FNDC3A: variants seen among roughly 807,000 people sequenced by gnomAD.
The protein encoded by FNDC3A is fibronectin type-III domain-containing protein 3A.
Under a neutral mutation model 148.9 loss-of-function variants are expected in FNDC3A, and 32 were observed. The observed-to-expected ratio is 0.21, with a 90% CI of 0.16 to 0.29. The LOEUF is 0.29. FNDC3A is among the 10% of genes least tolerant of loss of function. The probability of loss-of-function intolerance (pLI) is 1.00; values close to 1 mark genes in which losing one functional copy is unlikely to be tolerated. For synonymous variants in FNDC3A, 472 were observed against 473.6 expected (o/e 1.00, Z 0.04); for missense variants, 1,191 against 1,452.8 (o/e 0.82, Z 2.93).
chr13:49,045,175 A>G (rs1389358579), intron 2 of FNDC3A, among the ~76,000 whole-genome samples: 2 of 129,558 alleles, frequency 1.5e-5, no homozygotes, highest in Non-Finnish European at 3.1e-5. Flanking sequence ...TTCTTTTTTA[A>G]TGGAATCTCA....
intron 2 of FNDC3A, among the ~76,000 whole-genome samples, chr13:49,048,123 G>A (rs1270506841): frequency 6.6e-6 from 1 of 151,882 alleles, no homozygotes; most frequent in Non-Finnish European, 1.5e-5. Flanking sequence ...TTTATTTCTG[G>A]GTTTTCTATT....
intron 3 of FNDC3A, among the ~76,000 whole-genome samples, chr13:49,098,711 TA>T (rs1161968206): frequency 6.6e-6 from 1 of 152,154 alleles, no homozygotes; most frequent in African/African-American, 2.4e-5. Flanking sequence ...CTGATACATC[TA>T]ATTGTGCTGC....
intron 2 of FNDC3A, among the ~76,000 whole-genome samples, chr13:49,015,832 A>G (rs1422945674): frequency 1.3e-4 from 19 of 151,738 alleles, no homozygotes; most frequent in Non-Finnish European, 1.5e-5. Context: ...AATTTTGTCA[A>G]AGGCCTTTTC....
chr13:49,168,593 T>A lies in FNDC3A; in HGVS notation c.1038-20T>A. The A allele has an allele frequency of 6.3e-7, 1 of 1,587,562 alleles. No individual in the cohort carries two copies. The highest frequency in any genetic ancestry group is 8.6e-7 in the Non-Finnish European group (1 of 1,159,126). On this transcript the variant is annotated intron_variant, in intron 9 of 25. Coordinates refer to ENST00000492622, the MANE Select transcript of FNDC3A (RefSeq NM_001079673.2). ...ATACAGTGATTATGAAAGGTAAAAC[T>A]ATTTATTTTATCACCATAGAGTCCA...
intron 14 of FNDC3A, among the ~76,000 whole-genome samples, chr13:49,181,183 T>C (rs549754586): frequency 2.0e-5 from 3 of 152,288 alleles, no homozygotes; most frequent in Non-Finnish European, 4.4e-5. Flanking sequence ...AAGGAGACAG[T>C]AGGCTGTTGC....
At chr13:49,092,216 G>A (rs1456506349) in intron 3 of FNDC3A, among the ~76,000 whole-genome samples, 1 of 152,206 alleles carries the variant, frequency 6.6e-6, no homozygotes, top group African/African-American at 2.4e-5. Context: ...GCTTTCTCCT[G>A]TTCTGGAGCC....
chr13:49,193,363 C>T (rs181469107), intron 19 of FNDC3A, among the ~76,000 whole-genome samples: 87 of 152,204 alleles, frequency 5.7e-4, no homozygotes, highest in East Asian at 1.9e-4. Context: ...CAGGCTTAAG[C>T]GATCCTCCTG....
rs1886240927 is a variant in FNDC3A at position 49,198,066 on chromosome 13, C to G, written c.2575C>G (p.Leu859Val). The change falls in exon 22 of 26, where the codon CTT becomes GTT. Residue 859 changes from leucine to valine, a missense_variant. Leu to Val is a conservative substitution (Grantham distance 32). This residue lies in a region of FNDC3A where 751 missense variants were observed against 944.0 expected (regional missense o/e 0.80). Transcript: ENST00000492622. Reference sequence around the variant, plus strand: ...ATCAGTTCCTGGCATTGTGACCTGTCTTCAAGAAATAAGCGATGATGAGAT... The same window carrying G: ...ATCAGTTCCTGGCATTGTGACCTGTGTTCAAGAAATAAGCGATGATGAGAT... ...PPSVPGIVTC[L>V]QEISDDEIEN... The G allele has an allele frequency of 1.9e-6, 3 of 1,613,986 alleles. No homozygotes were observed. The South Asian group carries it at 3.3e-5, about 18-fold the overall frequency.
At chr13:49,187,765 TTTC>T in intron 16 of FNDC3A, 1 of 827,186 alleles carries the variant, frequency 1.2e-6, no homozygotes, top group Non-Finnish European at 2.0e-6. Context: ...GGATTTTTTT[TTTC>T]TTTGTTTGTA....
intron 1 of FNDC3A, among the ~76,000 whole-genome samples, chr13:48,977,779 T>C (rs1951629174): frequency 6.6e-6 from 1 of 152,204 alleles, no homozygotes. Context: ...GTTAAAATTT[T>C]AATATTAAAT....
In FNDC3A at chr13:49,207,102, T is replaced by G; in HGVS notation, c.3304T>G (p.Ser1102Ala). ...FKQIYKGPDS[S>A]FRYSSLQLNC... is the part of the protein sequence containing the mutation. ...ACAGATTTACAAGGGTCCCGACTCT[T>G]CCTTCCGGTATTCCAGCCTTCAGCT... The change falls in exon 26 of 26, where the codon TCC becomes GCC. Residue 1102 changes from serine to alanine, a missense_variant. By Grantham distance (99) the Ser-to-Ala change is moderately conservative (BLOSUM62 1). This residue lies in a region of FNDC3A where 751 missense variants were observed against 944.0 expected (regional missense o/e 0.80). Transcript: ENST00000492622. 1 of 1,614,018 alleles carries G rather than the reference T, an allele frequency of 6.2e-7. No individual in the cohort carries two copies. Among genetic ancestry groups the G allele is most frequent in the Non-Finnish European group, 8.5e-7 (1 of 1,179,842 alleles).
chr13:49,105,008 C>T (rs1456036719), intron 3 of FNDC3A, among the ~76,000 whole-genome samples: 1 of 152,068 alleles, frequency 6.6e-6, no homozygotes, highest in African/African-American at 2.4e-5. Context: ...AAGTCATAAA[C>T]TAGGAAGAGT....
chr13:49,057,109 T>TG (rs956808092), intron 2 of FNDC3A, among the ~76,000 whole-genome samples: 7 of 152,174 alleles, frequency 4.6e-5, no homozygotes, highest in African/African-American at 1.7e-4. Flanking sequence ...GAAACTAACT[T>TG]GGGGGTTATT....
intron 2 of FNDC3A, among the ~76,000 whole-genome samples, chr13:49,058,108 G>T (rs1876386630): frequency 6.6e-6 from 1 of 152,152 alleles, no homozygotes; most frequent in South Asian, 2.1e-4. Flanking sequence ...GTTAAAGAAG[G>T]AAGGGCTTTA....
At chr13:49,056,047 T>A (rs1876213261) in intron 2 of FNDC3A, among the ~76,000 whole-genome samples, 1 of 151,750 alleles carries the variant, frequency 6.6e-6, no homozygotes. Flanking sequence ...ATTAACTGGG[T>A]GTAGTGGCAC....
chr13:49,009,582 A>G (rs1593464523), intron 2 of FNDC3A, among the ~76,000 whole-genome samples: 2 of 152,232 alleles, frequency 1.3e-5, no homozygotes, highest in African/African-American at 4.8e-5. Context: ...TCTTTGTCAC[A>G]TGATTGACTT....
intron 1 of FNDC3A, chr13:48,987,772 G>T (rs1951831639): frequency 6.6e-6 from 1 of 152,202 alleles, no homozygotes; most frequent in Admixed American, 6.5e-5. Flanking sequence ...ATATTTTAAA[G>T]TTTTTGACCT....
intron 1 of FNDC3A, among the ~76,000 whole-genome samples, chr13:48,978,141 G>A (rs755623464): frequency 1.8e-4 from 27 of 150,952 alleles, no homozygotes; most frequent in Non-Finnish European, 3.1e-4. Flanking sequence ...ATCTGTGTGA[G>A]TAATTGAGAC....
chr13:49,186,231 G>A, intron 15 of FNDC3A, 129 bp downstream of exon 15: 1 of 709,376 alleles, frequency 1.4e-6, no homozygotes. Context: ...AAATGTGAGA[G>A]TCATTCATTG....
Sources: allele counts gnomAD v4.1 joint callset (sites outside exome capture counted in the v4.1 genomes callset), GRCh38; gene constraint gnomAD v4.1.1; regional missense constraint gnomAD v4.1.1; transcripts MANE v1.5; gene names NCBI Gene and HGNC (gene_info 2026-07-23, HGNC 2026-07-21).